The following ARID3A variants were observed in gnomAD, a reference collection of about 807,000 sequenced individuals.
The protein encoded by ARID3A is AT-rich interactive domain-containing protein 3A.
In ARID3A, 11 loss-of-function variants were observed where a neutral mutation model predicts 52.7. The ratio of observed to expected loss-of-function variants is 0.21; its 90% CI spans 0.13 to 0.35. The LOEUF is 0.35. Ranked by LOEUF, ARID3A falls within the 10% of genes least tolerant of loss-of-function variation. The probability of loss-of-function intolerance (pLI) is 1.00; values close to 1 mark genes in which losing one functional copy is unlikely to be tolerated. For synonymous variants in ARID3A, 404 were observed against 359.4 expected (o/e 1.12, Z -1.40); for missense variants, 721 against 838.5 (o/e 0.86, Z 1.73).
In ARID3A at chr19:964,469, C is replaced by T. The variant is rs775923874; in HGVS notation, c.950+38C>T. 1.0e-5 allele frequency: 16 copies of T among 1,534,712 alleles called. No individual in the cohort carries two copies. Among genetic ancestry groups the T allele is most frequent in the Non-Finnish European group, 1.2e-5 (14 of 1,137,426 alleles). The stretch of plus-strand genomic sequence containing the variant: ...CGGTTGTGCCGAGGTCGGGCCAGGG[C>T]ACTCTGAGCAGCCAGTGCAAGGGGC... On this transcript the variant is annotated intron_variant, in intron 5 of 8. Transcript: ENST00000263620. This position sits in a 1 kb window ranked among gnomAD's most constrained non-coding sequence, Gnocchi z 5.7.
chr19:932,602 G>A lies in ARID3A; in HGVS notation c.553G>A (p.Gly185Ser), dbSNP rs911982273. The change falls in exon 3 of 9, where the codon GGC (glycine) becomes AGC (serine). Residue 185 changes from glycine to serine, a missense_variant. Transcript: ENST00000263620. ...GGCCCAGCCACCCCAGGCCTTCCGC[G>A]GCGATGGCGTTCCCAGGGTGCTGGG... ...RKAQPPQAFR[G>S]DGVPRVLGGQ... 1.4e-5 allele frequency: 21 copies of A among 1,517,714 alleles called. No individual in the cohort carries two copies. The Admixed American group carries it at 2.3e-4, about 17-fold the overall frequency. 94.0% of individuals were successfully genotyped at this position (1,517,714 alleles called of 1,614,324 possible).
intron 4 of ARID3A, among the ~76,000 whole-genome samples, chr19:961,404 C>T (rs951225850): frequency 5.9e-5 from 9 of 152,314 alleles, no homozygotes; most frequent in East Asian, 5.8e-4. Context: ...GGGACCTGGG[C>T]GGGGGCCCCT....
intron 2 of ARID3A, among the ~76,000 whole-genome samples, chr19:931,730 A>C (rs574286127): frequency 6.8e-6 from 1 of 147,184 alleles, no homozygotes; most frequent in South Asian, 2.3e-4. Context: ...GGAGAATGGC[A>C]TGAACCCGGG....
intron 4 of ARID3A, among the ~76,000 whole-genome samples, chr19:961,018 TC>T (rs2038029389): frequency 6.6e-6 from 1 of 152,056 alleles, no homozygotes; most frequent in Non-Finnish European, 1.5e-5. Context: ...CGCCTCCAAG[TC>T]CTCGTCGGCC....
intron 8 of ARID3A, among the ~76,000 whole-genome samples, chr19:970,949 G>T (rs2038266148): frequency 6.6e-6 from 1 of 152,114 alleles, no homozygotes; most frequent in African/African-American, 2.4e-5. Flanking sequence ...AGGGGTCCGT[G>T]CCCTCCGGAA....
At chr19:933,847 G>GA (rs1491323163) in intron 3 of ARID3A, among the ~76,000 whole-genome samples, 1 of 81,566 alleles carries the variant, frequency 1.2e-5, no homozygotes, top group African/African-American at 4.2e-5. Flanking sequence ...GGGACTCGGT[G>GA]GGGGGGGGGG....
At position 944,267 on chromosome 19, in the gene ARID3A, C is replaced by T. The variant is rs548674308; in HGVS notation, c.693+11525C>T. Among the ~76,000 whole-genome samples the T allele has an allele frequency of 6.6e-6, 1 of 151,996 alleles. No homozygotes were observed. Among genetic ancestry groups the T allele is most frequent in the Non-Finnish European group, 1.5e-5 (1 of 67,996 alleles). On this transcript the variant is annotated intron_variant, in intron 3 of 8. Transcript: ENST00000263620. The surrounding 1 kb of genome is among the most constrained non-coding windows in gnomAD (Gnocchi z 5.9). Reference sequence around the variant, plus strand: ...GCGGTGGAGGGCGGGCCTGTCTCGCCGTTATCTCCCAGGCGTGTCTGCTCC... The same window carrying T: ...GCGGTGGAGGGCGGGCCTGTCTCGCTGTTATCTCCCAGGCGTGTCTGCTCC...
At chr19:927,092 C>T (rs1353869605) in intron 1 of ARID3A, among the ~76,000 whole-genome samples, 2 of 152,088 alleles carry the variant, frequency 1.3e-5, no homozygotes, top group Admixed American at 6.5e-5. Context: ...CTTTCGCCAC[C>T]CGCGGGCCCG....
intron 3 of ARID3A, among the ~76,000 whole-genome samples, chr19:958,475 G>T (rs1432639948): frequency 6.6e-6 from 1 of 151,626 alleles, no homozygotes; most frequent in Non-Finnish European, 1.5e-5. Flanking sequence ...AAGAGGACAG[G>T]TTCAAGCACT....
intron 3 of ARID3A, among the ~76,000 whole-genome samples, chr19:957,193 C>T (rs1159181946): frequency 2.0e-5 from 3 of 152,152 alleles, no homozygotes; most frequent in Non-Finnish European, 4.4e-5. Flanking sequence ...GTTCCGGGGC[C>T]TGGTGATCTT....
intron 6 of ARID3A, 107 bp downstream of exon 6, chr19:965,187 C>A (rs980381881): frequency 1.5e-6 from 2 of 1,324,920 alleles, no homozygotes; most frequent in South Asian, 3.0e-5. Flanking sequence ...GGATGAAAAA[C>A]CCTATAGTTG....
intron 3 of ARID3A, among the ~76,000 whole-genome samples, chr19:935,818 T>C (rs2037427660): frequency 6.6e-6 from 1 of 151,480 alleles, no homozygotes; most frequent in South Asian, 2.1e-4. Context: ...TGAGACGGAG[T>C]CTCGCTCTGT....
At chr19:969,691 T>G (rs968799892) in intron 8 of ARID3A, among the ~76,000 whole-genome samples, 7 of 149,722 alleles carry the variant, frequency 4.7e-5, no homozygotes, top group Non-Finnish European at 8.9e-5. Context: ...ATATAGTTGT[T>G]TTTTTTTTCT....
intron 3 of ARID3A, among the ~76,000 whole-genome samples, chr19:951,637 TTC>T (rs2037805300): frequency 1.3e-5 from 2 of 152,108 alleles, no homozygotes; most frequent in South Asian, 4.2e-4. Flanking sequence ...GTTGGATGAA[TTC>T]TCTTTTTCCC....
intron 3 of ARID3A, among the ~76,000 whole-genome samples, chr19:958,383 G>A (rs559087616): frequency 4.1e-5 from 6 of 145,052 alleles, no homozygotes; most frequent in Non-Finnish European, 7.5e-5. Flanking sequence ...GGCCAAGATC[G>A]CGCCACTGCA....
chr19:975,779 T>C lies in ARID3A; in HGVS notation c.*3714T>C, dbSNP rs78631394. The C allele has an allele frequency of 4.4e-5, 8 of 180,602 alleles. No homozygotes were observed. Among genetic ancestry groups the C allele is most frequent in the African/African-American group, 1.8e-4 (7 of 38,756 alleles). 11.2% of individuals were successfully genotyped at this position (180,602 alleles called of 1,614,324 possible). A position where few individuals can be genotyped will look rare whatever the true frequency, so the allele number is the denominator to read the frequency against. Reference sequence around the variant, plus strand: ...CAAAAAGACCAAAAAAAAAAAAAAGTGTGATTTTGAAATTTAAAAGAACAC... The same window carrying C: ...CAAAAAGACCAAAAAAAAAAAAAAGCGTGATTTTGAAATTTAAAAGAACAC... On this transcript the variant is annotated 3_prime_UTR_variant, in exon 9 of 9. Transcript: ENST00000263620.
chr19:973,981 G>A lies in ARID3A; in HGVS notation c.*1916G>A, dbSNP rs531207862. 8.7e-6 allele frequency: 2 copies of A among 229,964 alleles called. No individual in the cohort carries two copies. Among genetic ancestry groups the A allele is most frequent in the African/African-American group, 2.2e-5 (1 of 45,184 alleles). 14.2% of individuals were successfully genotyped at this position (229,964 alleles called of 1,614,324 possible). ...GCTCTGGGCTTTCATTTCTCTTGGG[G>A]TGCAGTGGGGATTAACTCAGCTATT... On this transcript the variant is annotated 3_prime_UTR_variant, in exon 9 of 9. Coordinates refer to ENST00000263620, the MANE Select transcript of ARID3A (RefSeq NM_005224.3).
chr19:933,924 G>A (rs922579747), intron 3 of ARID3A, among the ~76,000 whole-genome samples: 6 of 151,076 alleles, frequency 4.0e-5, no homozygotes, highest in South Asian at 2.1e-4. Context: ...GATGCTCCAC[G>A]GGCCACACTG....
chr19:953,333 G>A (rs1016367793), intron 3 of ARID3A, among the ~76,000 whole-genome samples: 2 of 152,068 alleles, frequency 1.3e-5, no homozygotes, highest in Admixed American at 6.5e-5. Context: ...GGGGGGTGGC[G>A]GTTATCTCAC....
Sources: gnomAD v4.1 joint callset for allele counts (sites outside exome capture counted in the v4.1 genomes callset) on GRCh38, gnomAD v4.1.1 for gene constraint, Gnocchi (gnomAD v3.1) non-coding constraint, MANE v1.5 for transcripts, NCBI Gene and HGNC (gene_info 2026-07-23, HGNC 2026-07-21) for gene names.